The following NKAIN3 variants were observed in gnomAD, a reference collection of about 807,000 sequenced individuals.
NKAIN3 encodes sodium/potassium transporting ATPase interacting 3, also known as sodium/potassium-transporting ATPase subunit beta-1-interacting protein 3.
Under a neutral mutation model 30.2 loss-of-function variants are expected in NKAIN3, and 25 were observed. That is an observed-to-expected ratio of 0.83 (90% CI 0.60 to 1.16). The LOEUF is 1.16. NKAIN3 is among the 50% of genes most tolerant of loss of function. The pLI is 0.00. For synonymous variants in NKAIN3, 91 were observed against 89.6 expected, an observed-to-expected ratio of 1.02 and a Z score of -0.09; for missense variants, 225 against 254.1, an observed-to-expected ratio of 0.89 and a Z score of 0.78.
intron 1 of NKAIN3, among the ~76,000 whole-genome samples, chr8:62,268,447 C>T (rs570856843): frequency 3.3e-5 from 5 of 152,284 alleles, no homozygotes; most frequent in East Asian, 1.9e-4. Flanking sequence ...CACCTAGCTG[C>T]ATGACCAGAG....
chr8:62,742,458 T>C (rs1023393702), intron 3 of NKAIN3, among the ~76,000 whole-genome samples: 5 of 152,222 alleles, frequency 3.3e-5, no homozygotes, highest in African/African-American at 1.2e-4. Context: ...GAGATCTGTA[T>C]ATATCTGCTT....
intron 1 of NKAIN3, among the ~76,000 whole-genome samples, chr8:62,491,086 C>T (rs1807053968): frequency 6.6e-6 from 1 of 152,172 alleles, no homozygotes; most frequent in Non-Finnish European, 1.5e-5. Context: ...TGAGCATTCA[C>T]ATATTTCCTA....
chr8:62,561,801 A>C (rs1809587323), intron 1 of NKAIN3, among the ~76,000 whole-genome samples: 1 of 152,140 alleles, frequency 6.6e-6, no homozygotes, highest in South Asian at 2.1e-4. Flanking sequence ...TAAAAACATG[A>C]GTCTTTATTT....
intron 1 of NKAIN3, among the ~76,000 whole-genome samples, chr8:62,436,303 A>G (rs1293904312): frequency 6.6e-6 from 1 of 152,186 alleles, no homozygotes; most frequent in Non-Finnish European, 1.5e-5. Flanking sequence ...TTTTCTAATT[A>G]AGGTAACCAG....
chr8:62,958,333 C>T (rs1823479480), intron 6 of NKAIN3, among the ~76,000 whole-genome samples: 2 of 151,952 alleles, frequency 1.3e-5, no homozygotes, highest in South Asian at 4.2e-4. Context: ...GGCCTGGGGA[C>T]ATGTGATACA....
intron 1 of NKAIN3, among the ~76,000 whole-genome samples, chr8:62,465,185 A>G (rs903413283): frequency 6.6e-6 from 1 of 152,204 alleles, no homozygotes; most frequent in East Asian, 1.9e-4. Flanking sequence ...TCTTTCTTAA[A>G]TTATCATTAT....
At chr8:62,598,469 C>T (rs1407142490) in intron 3 of NKAIN3, among the ~76,000 whole-genome samples, 1 of 152,032 alleles carries the variant, frequency 6.6e-6, no homozygotes, top group Non-Finnish European at 1.5e-5. Context: ...ACAATTGGCT[C>T]TGGGTCAAGT....
chr8:62,402,599 T>C (rs1475698128), intron 1 of NKAIN3, among the ~76,000 whole-genome samples: 1 of 152,178 alleles, frequency 6.6e-6, no homozygotes, highest in African/African-American at 2.4e-5. Flanking sequence ...CCTTTGAACT[T>C]GGATCTCATT....
chr8:62,629,136 C>T (rs1362500186), intron 3 of NKAIN3, among the ~76,000 whole-genome samples: 1 of 152,126 alleles, frequency 6.6e-6, no homozygotes, highest in Non-Finnish European at 1.5e-5. Flanking sequence ...TTGCCTGTCC[C>T]TGATGGGAAG....
At chr8:62,462,934 CT>C (rs1806042055) in intron 1 of NKAIN3, among the ~76,000 whole-genome samples, 1 of 152,188 alleles carries the variant, frequency 6.6e-6, no homozygotes, top group South Asian at 2.1e-4. Context: ...GTGAACTTCT[CT>C]TCTGTTACTG....
intron 3 of NKAIN3, among the ~76,000 whole-genome samples, chr8:62,685,446 A>AT (rs1813770475): frequency 6.6e-6 from 1 of 152,172 alleles, no homozygotes; most frequent in African/African-American, 2.4e-5. Flanking sequence ...ATAAGCTATA[A>AT]TTTTTTACTT....
At chr8:62,392,930 C>G (rs1817620325) in intron 1 of NKAIN3, among the ~76,000 whole-genome samples, 1 of 151,992 alleles carries the variant, frequency 6.6e-6, no homozygotes, top group Admixed American at 6.5e-5. Flanking sequence ...ACTGTAACAG[C>G]AGTACAAATC....
At chr8:62,340,585 G>A (rs1815709581) in intron 1 of NKAIN3, among the ~76,000 whole-genome samples, 1 of 151,986 alleles carries the variant, frequency 6.6e-6, no homozygotes, top group African/African-American at 2.4e-5. Flanking sequence ...ACTGTACTTT[G>A]GAGTATGATG....
rs1170144298 is a variant in NKAIN3, at chr8:62,747,070, T to G, written c.412T>G (p.Cys138Gly). 1.2e-6 allele frequency: 2 copies of G among 1,613,616 alleles called. No individual in the cohort carries two copies. The highest frequency in any genetic ancestry group is 1.3e-5 in the African/African-American group (1 of 74,936). ...DDYTYVSVTGCIVDFQYLEVI... is the reference protein window; with the variant it reads ...DDYTYVSVTGGIVDFQYLEVI... ...TTACACGTACGTCTCTGTCACAGGC[T>G]GCATCGTTGACTTCCAGTACCTGGA... The change falls in exon 4 of 7, where the codon TGC becomes GGC. Residue 138 changes from cysteine to glycine, a missense_variant. Cys to Gly is a radical substitution (Grantham distance 159). Coordinates refer to ENST00000623646, the MANE Select transcript of NKAIN3 (RefSeq NM_001304533.3).
chr8:62,696,501 T>G (rs1162942566), intron 3 of NKAIN3, among the ~76,000 whole-genome samples: 1 of 152,154 alleles, frequency 6.6e-6, no homozygotes, highest in Admixed American at 6.5e-5. Flanking sequence ...ACTTGAAGAG[T>G]TCATTCCTTC....
chr8:62,630,067 A>G (rs1431587240), intron 3 of NKAIN3, among the ~76,000 whole-genome samples: 1 of 152,044 alleles, frequency 6.6e-6, no homozygotes, highest in Admixed American at 6.6e-5. Context: ...ATTATAATAT[A>G]TTATAGTCAT....
chr8:62,652,553 T>A (rs1429229671), intron 3 of NKAIN3, among the ~76,000 whole-genome samples: 1 of 152,180 alleles, frequency 6.6e-6, no homozygotes, highest in Non-Finnish European at 1.5e-5. Context: ...TTCTCCTTTT[T>A]AGTAAGATAA....
intron 1 of NKAIN3, among the ~76,000 whole-genome samples, chr8:62,412,851 G>T (rs1804291854): frequency 6.8e-6 from 1 of 146,770 alleles, no homozygotes; most frequent in Admixed American, 7.0e-5. Context: ...GGTGAAGGTT[G>T]CAGTGAGCTG....
intron 3 of NKAIN3, among the ~76,000 whole-genome samples, chr8:62,652,172 G>A (rs1422064111): frequency 6.6e-6 from 1 of 151,922 alleles, no homozygotes; most frequent in Admixed American, 6.6e-5. Flanking sequence ...ATCATCTTGG[G>A]GATTAGGTTT....
Sources: allele counts gnomAD v4.1 joint callset (sites outside exome capture counted in the v4.1 genomes callset), GRCh38; gene constraint gnomAD v4.1.1; transcripts MANE v1.5; gene names NCBI Gene and HGNC (gene_info 2026-07-23, HGNC 2026-07-21).